CADM2: variants seen among roughly 807,000 people sequenced by gnomAD.
CADM2 encodes immunoglobulin superfamily member 4D.
Under a neutral mutation model 49.8 loss-of-function variants are expected in CADM2, and 12 were observed. The ratio of observed to expected loss-of-function variants is 0.24; its 90% CI spans 0.15 to 0.39. CADM2 has a LOEUF of 0.39. Ranked by LOEUF, CADM2 falls within the 10% of genes least tolerant of loss-of-function variation. The pLI, the probability that CADM2 is intolerant of heterozygous loss-of-function variation, is 1.00. For missense variants in CADM2, 378 were observed against 492.3 expected, an observed-to-expected ratio of 0.77 and a Z score of 2.20; for synonymous variants, 214 against 175.4, an observed-to-expected ratio of 1.22 and a Z score of -1.74.
intron 1 of CADM2, among the ~76,000 whole-genome samples, chr3:85,478,375 A>G (rs183995882): frequency 5.3e-5 from 8 of 152,134 alleles, no homozygotes; most frequent in African/African-American, 1.7e-4. Context: ...GCCATTATTA[A>G]TGATTTTTAT....
At chr3:84,990,969 A>G (rs2107176650) in intron 1 of CADM2, among the ~76,000 whole-genome samples, 1 of 152,258 alleles carries the variant, frequency 6.6e-6, no homozygotes, top group African/African-American at 2.4e-5. Context: ...ATGGGTTACA[A>G]GTCTCATTAA....
chr3:85,099,981 T>C (rs1033454729), intron 1 of CADM2, among the ~76,000 whole-genome samples: 10 of 152,194 alleles, frequency 6.6e-5, no homozygotes, highest in Non-Finnish European at 1.5e-4. Flanking sequence ...TGTTTTTTTT[T>C]CCTCATTGTT....
chr3:85,975,832 T>A (rs1392951673), intron 8 of CADM2, among the ~76,000 whole-genome samples: 1 of 151,544 alleles, frequency 6.6e-6, no homozygotes. Context: ...TGGATGGTTA[T>A]CATTTCTAAA....
At chr3:86,027,290 A>G (rs1273949728) in intron 8 of CADM2, among the ~76,000 whole-genome samples, 2 of 152,178 alleles carry the variant, frequency 1.3e-5, no homozygotes, top group African/African-American at 4.8e-5. Flanking sequence ...AATTTAAAAC[A>G]TATTTATTAT....
intron 1 of CADM2, among the ~76,000 whole-genome samples, chr3:85,577,466 T>G (rs1282875883): frequency 6.6e-6 from 1 of 152,150 alleles, no homozygotes; most frequent in Non-Finnish European, 1.5e-5. Flanking sequence ...CCTTCTGCCA[T>G]GCAGCAAGAA....
intron 1 of CADM2, among the ~76,000 whole-genome samples, chr3:85,350,320 C>T (rs1040785124): frequency 6.6e-6 from 1 of 152,032 alleles, no homozygotes; most frequent in African/African-American, 2.4e-5. Context: ...AAACACATGT[C>T]TAATAAGAAA....
intron 1 of CADM2, among the ~76,000 whole-genome samples, chr3:85,471,876 G>A (rs1484306167): frequency 1.3e-5 from 2 of 151,460 alleles, no homozygotes; most frequent in African/African-American, 4.8e-5. Context: ...GTACCTATAA[G>A]TAGTTCTCAA....
chr3:85,284,595 G>A (rs1339059258), intron 1 of CADM2, among the ~76,000 whole-genome samples: 1 of 152,068 alleles, frequency 6.6e-6, no homozygotes, highest in Non-Finnish European at 1.5e-5. Flanking sequence ...GATTGCTAAG[G>A]GAGGAACATT....
At chr3:85,548,881 A>C (rs796671775) in intron 1 of CADM2, among the ~76,000 whole-genome samples, 5 of 152,336 alleles carry the variant, frequency 3.3e-5, no homozygotes, top group African/African-American at 1.2e-4. Flanking sequence ...GAATTTATTA[A>C]AAGTAGGTCA....
At chr3:85,125,375 GT>G (rs1003042188) in intron 1 of CADM2, among the ~76,000 whole-genome samples, 39 of 146,362 alleles carry the variant, frequency 2.7e-4, no homozygotes, top group Admixed American at 4.8e-4. Flanking sequence ...TTAGATTTTT[GT>G]TTTTTTTTTT....
chr3:85,115,543 C>T (rs1045903120), intron 1 of CADM2, among the ~76,000 whole-genome samples: 11 of 152,104 alleles, frequency 7.2e-5, no homozygotes, highest in Non-Finnish European at 1.3e-4. Context: ...GCAGTCAATT[C>T]GGTCTAGGTT....
At chr3:85,605,441 G>A (rs2063516552) in intron 1 of CADM2, among the ~76,000 whole-genome samples, 1 of 151,992 alleles carries the variant, frequency 6.6e-6, no homozygotes, top group Non-Finnish European at 1.5e-5. Flanking sequence ...GCGTGAATAA[G>A]CTCTAATGTT....
At chr3:85,746,453 A>G (rs2068624396) in intron 2 of CADM2, among the ~76,000 whole-genome samples, 1 of 152,194 alleles carries the variant, frequency 6.6e-6, no homozygotes, top group African/African-American at 2.4e-5. Flanking sequence ...TCTAAGCACA[A>G]AAACAAGTGT....
intron 3 of CADM2, among the ~76,000 whole-genome samples, chr3:85,857,772 T>C (rs1207715038): frequency 6.6e-6 from 1 of 152,210 alleles, no homozygotes; most frequent in African/African-American, 2.4e-5. Flanking sequence ...GTTGGTGTCA[T>C]TGTTTTCTTT....
intron 8 of CADM2, among the ~76,000 whole-genome samples, chr3:85,966,235 C>A (rs1725453875): frequency 6.6e-6 from 1 of 151,680 alleles, no homozygotes; most frequent in African/African-American, 2.4e-5. Context: ...CTATCAATGG[C>A]AGGTCCAGAT....
chr3:85,739,185 C>T (rs974220009), intron 2 of CADM2, among the ~76,000 whole-genome samples: 2 of 151,998 alleles, frequency 1.3e-5, no homozygotes, highest in African/African-American at 4.8e-5. Flanking sequence ...ATTAAACTTT[C>T]ACTTATACTG....
intron 1 of CADM2, among the ~76,000 whole-genome samples, chr3:85,313,287 T>C (rs1391119091): frequency 6.6e-6 from 1 of 152,202 alleles, no homozygotes; most frequent in East Asian, 1.9e-4. Flanking sequence ...GAAAATCTAA[T>C]TGGTTGACTA....
intron 3 of CADM2, among the ~76,000 whole-genome samples, chr3:85,831,199 G>A (rs1382747385): frequency 1.3e-5 from 2 of 151,824 alleles, no homozygotes; most frequent in East Asian, 1.9e-4. Context: ...TTATCATTCC[G>A]TGAGGTACAT....
intron 1 of CADM2, among the ~76,000 whole-genome samples, chr3:85,648,787 C>T (rs1166176552): frequency 6.6e-6 from 1 of 151,968 alleles, no homozygotes; most frequent in Non-Finnish European, 1.5e-5. Context: ...TCTTTGGATG[C>T]ATTTTTGAAT....
Sources: gnomAD v4.1 joint callset for allele counts (sites outside exome capture counted in the v4.1 genomes callset) on GRCh38, gnomAD v4.1.1 for gene constraint, MANE v1.5 for transcripts, NCBI Gene and HGNC (gene_info 2026-07-23, HGNC 2026-07-21) for gene names.